The following HEMK2 variants were observed in gnomAD, a reference collection of about 807,000 sequenced individuals.
HEMK2 encodes the protein HemK methyltransferase 2, ETF1 glutamine and histone H4 lysine.
chr21:28,844,727 CT>C, the HEMK2 span, among the ~76,000 whole-genome samples: 1 of 152,066 alleles, frequency 6.6e-6, no homozygotes, highest in African/African-American at 2.4e-5. Context: ...TTTATTATAA[CT>C]CTTCAATTTT....
At chr21:28,641,766 T>C in the HEMK2 span, among the ~76,000 whole-genome samples, 7 of 152,232 alleles carry the variant, frequency 4.6e-5, no homozygotes, top group Non-Finnish European at 8.8e-5. Context: ...ATTTCTTCAG[T>C]TTTTATTATC....
At chr21:28,732,753 C>T in the HEMK2 span, among the ~76,000 whole-genome samples, 205 of 152,284 alleles carry the variant, frequency 1.3e-3, no homozygotes, top group Non-Finnish European at 2.6e-3. Flanking sequence ...ATCTGAGATT[C>T]TCCACTGCTC....
At chr21:28,598,542 T>C in the HEMK2 span, among the ~76,000 whole-genome samples, 1 of 152,220 alleles carries the variant, frequency 6.6e-6, no homozygotes, top group African/African-American at 2.4e-5. Flanking sequence ...TGCAAGCTGA[T>C]GCCTGGTTTC....
chr21:28,647,085 G>T, the HEMK2 span, among the ~76,000 whole-genome samples: 1 of 152,062 alleles, frequency 6.6e-6, no homozygotes, highest in Non-Finnish European at 1.5e-5. Flanking sequence ...CTGAAATATG[G>T]TACAGAGATT....
chr21:28,837,553 G>A, the HEMK2 span, among the ~76,000 whole-genome samples: 1 of 152,132 alleles, frequency 6.6e-6, no homozygotes, highest in East Asian at 1.9e-4. Context: ...GCAGTGCTGA[G>A]TGGAAAGTTC....
At chr21:28,614,931 C>T in the HEMK2 span, among the ~76,000 whole-genome samples, 1 of 152,054 alleles carries the variant, frequency 6.6e-6, no homozygotes, top group South Asian at 2.1e-4. Flanking sequence ...GGCCTTTTCC[C>T]ACTCTATATA....
chr21:28,628,401 T>C, the HEMK2 span, among the ~76,000 whole-genome samples: 2 of 152,194 alleles, frequency 1.3e-5, no homozygotes, highest in African/African-American at 4.8e-5. Flanking sequence ...TAAGGCCAAC[T>C]TTAGTTTCTG....
the HEMK2 span, among the ~76,000 whole-genome samples, chr21:28,726,191 A>C: frequency 6.6e-6 from 1 of 151,956 alleles, no homozygotes; most frequent in African/African-American, 2.4e-5. Context: ...AACATTTTTT[A>C]AAAAAGGTCC....
At chr21:28,627,356 A>G in the HEMK2 span, among the ~76,000 whole-genome samples, 1 of 152,230 alleles carries the variant, frequency 6.6e-6, no homozygotes, top group Non-Finnish European at 1.5e-5. Flanking sequence ...TCTATCACAT[A>G]AATTATGCTT....
the HEMK2 span, among the ~76,000 whole-genome samples, chr21:28,591,973 CTA>C: frequency 6.6e-6 from 1 of 152,130 alleles, no homozygotes; most frequent in Non-Finnish European, 1.5e-5. Flanking sequence ...TAGGTTGATT[CTA>C]TGTCTTTGCT....
At chr21:28,614,796 C>T in the HEMK2 span, among the ~76,000 whole-genome samples, 1 of 152,184 alleles carries the variant, frequency 6.6e-6, no homozygotes, top group African/African-American at 2.4e-5. Context: ...ACAGGCTCAC[C>T]TAGAGAATTC....
the HEMK2 span, among the ~76,000 whole-genome samples, chr21:28,668,923 A>G: frequency 6.6e-6 from 1 of 152,216 alleles, no homozygotes; most frequent in African/African-American, 2.4e-5. Context: ...ATCATACACC[A>G]AAGTTTGAGA....
At chr21:28,642,679 A>G in the HEMK2 span, among the ~76,000 whole-genome samples, 1 of 152,200 alleles carries the variant, frequency 6.6e-6, no homozygotes, top group South Asian at 2.1e-4. Context: ...TTCAGCAGAA[A>G]GGGATGGGAA....
At chr21:28,636,342 T>G in the HEMK2 span, among the ~76,000 whole-genome samples, 1 of 152,182 alleles carries the variant, frequency 6.6e-6, no homozygotes, top group Non-Finnish European at 1.5e-5. Context: ...GGACACGGGT[T>G]CTATTTTGCC....
the HEMK2 span, among the ~76,000 whole-genome samples, chr21:28,790,587 TG>T: frequency 6.6e-6 from 1 of 152,060 alleles, no homozygotes; most frequent in South Asian, 2.1e-4. Context: ...GATTATCTGA[TG>T]GAACAATTCC....
the HEMK2 span, among the ~76,000 whole-genome samples, chr21:28,618,209 C>A: frequency 6.6e-6 from 1 of 152,178 alleles, no homozygotes; most frequent in South Asian, 2.1e-4. Context: ...ATTACTTCTC[C>A]TTGAAATGCG....
At chr21:28,851,449 G>A in the HEMK2 span, among the ~76,000 whole-genome samples, 1 of 152,180 alleles carries the variant, frequency 6.6e-6, no homozygotes, top group Non-Finnish European at 1.5e-5. Context: ...AATGAGGGAT[G>A]TGTTGCCTTC....
chr21:28,764,937 C>T, the HEMK2 span, among the ~76,000 whole-genome samples: 3 of 152,094 alleles, frequency 2.0e-5, no homozygotes, highest in African/African-American at 7.2e-5. Context: ...ACCTGATATT[C>T]AAAATATCCT....
At chr21:28,788,303 C>CAT in the HEMK2 span, among the ~76,000 whole-genome samples, 4 of 130,638 alleles carry the variant, frequency 3.1e-5, no homozygotes, top group East Asian at 2.4e-4. Flanking sequence ...CACACACACA[C>CAT]ATATATATGT....
Sources: gnomAD v4.1 joint callset for allele counts (sites outside exome capture counted in the v4.1 genomes callset) on GRCh38, gnomAD v4.1.1 for gene constraint, MANE v1.5 for transcripts, NCBI Gene and HGNC (gene_info 2026-07-23, HGNC 2026-07-21) for gene names.